Variants in NSMCE1 observed in about 807,000 individuals in gnomAD.
NSMCE1 encodes the protein non-structural maintenance of chromosomes element 1 homolog.
Under a neutral mutation model 29.6 loss-of-function variants are expected in NSMCE1, and 18 were observed. The ratio of observed to expected loss-of-function variants is 0.61; its 90% CI spans 0.42 to 0.90. The LOEUF (loss-of-function observed/expected upper bound fraction) is 0.90. Among genes scored for constraint, NSMCE1 ranks in the 40% least tolerant of loss-of-function variants. The pLI is 0.00. For missense variants in NSMCE1, 314 were observed against 343.6 expected, an observed-to-expected ratio of 0.91 and a Z score of 0.68; for synonymous variants, 124 against 133.4, an observed-to-expected ratio of 0.93 and a Z score of 0.49.
At chr16:27,245,120 C>T (rs543630524) in intron 2 of NSMCE1, among the ~76,000 whole-genome samples, 2 of 152,310 alleles carry the variant, frequency 1.3e-5, no homozygotes, top group African/African-American at 4.8e-5. Context: ...ATGAAGTGAA[C>T]GTGTGCCCAC....
chr16:27,251,159 A>AAT (rs1166070119), intron 2 of NSMCE1, among the ~76,000 whole-genome samples: 3,303 of 65,620 alleles, frequency 0.05, 89 homozygotes, highest in Non-Finnish European at 0.063. Context: ...AATTATTTAA[A>AAT]ATATATATAT....
chr16:27,245,131 A>C (rs1320411199), intron 2 of NSMCE1, among the ~76,000 whole-genome samples: 1 of 152,236 alleles, frequency 6.6e-6, no homozygotes, highest in African/African-American at 2.4e-5. Flanking sequence ...GTGTGCCCAC[A>C]AGCACTCTGT....
intron 1 of NSMCE1, among the ~76,000 whole-genome samples, chr16:27,265,998 G>C (rs180832935): frequency 6.6e-6 from 1 of 152,144 alleles, no homozygotes; most frequent in Non-Finnish European, 1.5e-5. Flanking sequence ...CTTGGTGGCA[G>C]GTACATGAGT....
rs1567281181 is a variant in NSMCE1, at chr16:27,251,176, ATATATATATATATAAATATATATATATAT to A, written c.136+6230_136+6258del. ...TTATTTAAAATATATATATATATAT[ATATATATATATATAAATATATATATATAT>A]ATAAAACTCTGTAGAGTTCAGACTC... On this transcript the variant is annotated intron_variant, in intron 2 of 7. Transcript: ENST00000361439. Among the ~76,000 whole-genome samples, 19 of 67,418 alleles carry A rather than the reference ATATATATATATATAAATATATATATATAT, an allele frequency of 2.8e-4. 1 individual carries two copies. Among genetic ancestry groups the A allele is most frequent in the African/African-American group, 1.1e-3 (19 of 17,212 alleles). 44.2% of individuals were successfully genotyped at this position (67,418 alleles called of 152,430 possible). A position where few individuals can be genotyped will look rare whatever the true frequency, so the allele number is the denominator to read the frequency against.
chr16:27,259,076 C>A (rs1596697276), intron 1 of NSMCE1, among the ~76,000 whole-genome samples: 1 of 152,266 alleles, frequency 6.6e-6, no homozygotes, highest in Non-Finnish European at 1.5e-5. Flanking sequence ...GCATCCTCAA[C>A]TGGACCTCAG....
intron 1 of NSMCE1, among the ~76,000 whole-genome samples, chr16:27,263,788 G>A (rs531154711): frequency 3.5e-4 from 54 of 152,174 alleles, no homozygotes; most frequent in Non-Finnish European, 7.1e-4. Context: ...ATTTGGAATC[G>A]AAGAAAACAT....
intron 1 of NSMCE1, among the ~76,000 whole-genome samples, chr16:27,264,106 G>A (rs778817804): frequency 6.6e-6 from 1 of 152,206 alleles, no homozygotes; most frequent in Non-Finnish European, 1.5e-5. Context: ...GCTCATGCCT[G>A]TAATCCCAGC....
intron 2 of NSMCE1, among the ~76,000 whole-genome samples, chr16:27,238,337 T>TCTGGCAGCCTCCC (rs2083850927): frequency 6.6e-6 from 1 of 152,134 alleles, no homozygotes; most frequent in Non-Finnish European, 1.5e-5. Context: ...CCCAGCCTCC[T>TCTGGCAGCCTCCC]GATCCTCTGG....
At chr16:27,230,973 C>T (rs1486410427) in intron 5 of NSMCE1, 1 of 152,430 alleles carries the variant, frequency 6.6e-6, no homozygotes, top group Non-Finnish European at 1.5e-5. Context: ...GCAAGTCAAA[C>T]CATAAAGCTG....
chr16:27,250,707 T>C (rs1260788565), intron 2 of NSMCE1, among the ~76,000 whole-genome samples: 2 of 151,674 alleles, frequency 1.3e-5, no homozygotes, highest in Non-Finnish European at 2.9e-5. Flanking sequence ...GCAGGAGAAC[T>C]GCTTAAACCC....
At chr16:27,240,769 T>G (rs757642786) in intron 2 of NSMCE1, among the ~76,000 whole-genome samples, 4 of 152,194 alleles carry the variant, frequency 2.6e-5, no homozygotes, top group Non-Finnish European at 5.9e-5. Flanking sequence ...GTTTCTCCTT[T>G]TCTTTTAAAA....
At chr16:27,255,298 T>C (rs1365336712) in intron 2 of NSMCE1, among the ~76,000 whole-genome samples, 1 of 152,206 alleles carries the variant, frequency 6.6e-6, no homozygotes, top group African/African-American at 2.4e-5. Flanking sequence ...CGCATCTACC[T>C]TCACCACGGA....
At chr16:27,247,204 G>A (rs1278582154) in intron 2 of NSMCE1, among the ~76,000 whole-genome samples, 1 of 152,200 alleles carries the variant, frequency 6.6e-6, no homozygotes, top group Non-Finnish European at 1.5e-5. Flanking sequence ...GGGGCCTGGT[G>A]GGAGGGAATT....
At chr16:27,264,094 T>C (rs2084192829) in intron 1 of NSMCE1, among the ~76,000 whole-genome samples, 1 of 152,370 alleles carries the variant, frequency 6.6e-6, no homozygotes, top group Non-Finnish European at 1.5e-5. Context: ...CTGGGCGCGA[T>C]GGCTCATGCC....
intron 5 of NSMCE1, among the ~76,000 whole-genome samples, chr16:27,231,323 C>T (rs1273361814): frequency 6.6e-6 from 1 of 152,188 alleles, no homozygotes; most frequent in Non-Finnish European, 1.5e-5. Flanking sequence ...ATGAAGAGGT[C>T]ATAACCCCTA....
At chr16:27,229,202 G>A (rs1325816205) in intron 5 of NSMCE1, among the ~76,000 whole-genome samples, 1 of 152,212 alleles carries the variant, frequency 6.6e-6, no homozygotes, top group African/African-American at 2.4e-5. Context: ...CCGGGCTGAT[G>A]ATCCTCCCAC....
At position 27,227,525 on chromosome 16, in the gene NSMCE1, G is replaced by A. The variant is rs546842066; in HGVS notation, c.484-689C>T. On this transcript the variant is annotated intron_variant, in intron 5 of 7. Transcript: ENST00000361439. Reference sequence around the variant, plus strand: ...CAAGAACAATGCAGCTCCCCAGGCCGACCCTACTGCCAGGTCACAGGAGAA... The same window carrying A: ...CAAGAACAATGCAGCTCCCCAGGCCAACCCTACTGCCAGGTCACAGGAGAA... 5.2e-4 allele frequency among the ~76,000 whole-genome samples: 79 copies of A among 152,286 alleles called. 1 individual carries two copies. Among genetic ancestry groups the A allele is most frequent in the Non-Finnish European group, 2.8e-4 (19 of 68,016 alleles).
At chr16:27,240,076 T>C (rs1338113018) in intron 2 of NSMCE1, among the ~76,000 whole-genome samples, 1 of 152,198 alleles carries the variant, frequency 6.6e-6, no homozygotes, top group Admixed American at 6.5e-5. Flanking sequence ...AACTTGCTCA[T>C]AGTTTCCGTA....
intron 2 of NSMCE1, among the ~76,000 whole-genome samples, chr16:27,256,036 G>A (rs1197711435): frequency 6.6e-6 from 1 of 152,172 alleles, no homozygotes; most frequent in Non-Finnish European, 1.5e-5. Context: ...AGGAGCTACA[G>A]GATGCCTGTG....
Sources: gnomAD v4.1 joint callset for allele counts (sites outside exome capture counted in the v4.1 genomes callset) on GRCh38, gnomAD v4.1.1 for gene constraint, MANE v1.5 for transcripts, NCBI Gene and HGNC (gene_info 2026-07-23, HGNC 2026-07-21) for gene names.